GFPT1: variants seen among roughly 807,000 people sequenced by gnomAD.
GFPT1 encodes glutamine--fructose-6-phosphate aminotransferase [isomerizing] 1.
A neutral mutation model predicts 92.0 loss-of-function variants in GFPT1; 40 were observed. The ratio of observed to expected loss-of-function variants is 0.43; its 90% CI spans 0.34 to 0.57. GFPT1 has a LOEUF of 0.57. Ranked by LOEUF, GFPT1 falls within the 20% of genes least tolerant of loss-of-function variation. GFPT1 has a pLI of 0.02. For missense variants in GFPT1, 448 were observed against 869.1 expected (o/e 0.52, Z 6.09); for synonymous variants, 269 against 280.6 (o/e 0.96, Z 0.41).
At chr2:69,328,223 A>G (rs778624549) in intron 18 of GFPT1, 48 bp downstream of exon 18, 3 of 1,419,350 alleles carry the variant, frequency 2.1e-6, no homozygotes, top group Non-Finnish European at 3.0e-6. Flanking sequence ...AAGCTAGCGT[A>G]ACTCCCCTCT....
chr2:69,356,345 G>C (rs1671337339), intron 7 of GFPT1, 151 bp downstream of exon 7: 1 of 708,662 alleles, frequency 1.4e-6, no homozygotes, highest in Non-Finnish European at 2.6e-6. Flanking sequence ...GTAAGCAACA[G>C]ACAAGAAGGA....
chr2:69,356,406 T>C (rs1344700657), intron 7 of GFPT1, 90 bp downstream of exon 7: 4 of 910,926 alleles, frequency 4.4e-6, no homozygotes, highest in Non-Finnish European at 7.4e-6. Context: ...GCAGAGCCTT[T>C]ATAATAAAGG....
rs929710560 is a variant in GFPT1 at position 69,387,213 on chromosome 2, G to A, written c.-142C>T. 2.2e-6 allele frequency: 2 copies of A among 892,406 alleles called. No homozygotes were observed. The highest frequency in any genetic ancestry group is 6.5e-5 in the Admixed American group (2 of 30,834). The allele number at this position is 892,406 out of a possible 1,614,324, so 55.3% of individuals were successfully genotyped here. A position where few individuals can be genotyped will look rare whatever the true frequency, so the allele number is the denominator to read the frequency against. ...CTCCCTCGGGGATGCGACGGCCAAG[G>A]CAACGACAGCCTTCTCCGCCTCCCG... On this transcript the variant is annotated 5_prime_UTR_variant, in exon 1 of 20. Coordinates refer to ENST00000357308, the MANE Select transcript of GFPT1 (RefSeq NM_001244710.2).
Position 69,321,765 on chromosome 2 carries a change from T to C in GFPT1, c.*4424A>G, listed in dbSNP as rs1670407795. The C allele has an allele frequency of 6.6e-6, 1 of 152,240 alleles. No individual in the cohort carries two copies. The highest frequency in any genetic ancestry group is 2.1e-4 in the South Asian group (1 of 4,838). The allele number at this position is 152,240 out of a possible 1,614,324, so 9.4% of individuals were successfully genotyped here. A position where few individuals can be genotyped will look rare whatever the true frequency, so the allele number is the denominator to read the frequency against. On this transcript the variant is annotated 3_prime_UTR_variant, in exon 20 of 20. Coordinates refer to ENST00000357308, the MANE Select transcript of GFPT1 (RefSeq NM_001244710.2). ...AACATTCAGAAAGCTAACAGGATCA[T>C]TTCTACATTCATTCTGCAAACAGTG...
At chr2:69,359,133 C>T (rs1290808157) in intron 5 of GFPT1, 135 bp downstream of exon 5, 4 of 679,740 alleles carry the variant, frequency 5.9e-6, no homozygotes, top group Non-Finnish European at 1.1e-5. Context: ...AATAAACCAC[C>T]GTGCCCTTGG....
chr2:69,354,433 C>T, intron 8 of GFPT1, 56 bp downstream of exon 8: 1 of 1,319,032 alleles, frequency 7.6e-7, no homozygotes, highest in South Asian at 1.2e-5. Flanking sequence ...TCTATTCCAA[C>T]TTAAGGAAAA....
chr2:69,329,850 T>C lies in GFPT1; in HGVS notation c.1483-52A>G, dbSNP rs200249284. 1,127 of 909,486 alleles carry C rather than the reference T, an allele frequency of 1.2e-3. 3 individuals are homozygous for C. Among genetic ancestry groups the C allele is most frequent in the Non-Finnish European group, 1.7e-3 (914 of 536,318 alleles). The allele number at this position is 909,486 out of a possible 1,614,324, so 56.3% of individuals were successfully genotyped here. A position where few individuals can be genotyped will look rare whatever the true frequency, so the allele number is the denominator to read the frequency against. On this transcript the variant is annotated intron_variant, in intron 15 of 19. Coordinates refer to ENST00000357308, the MANE Select transcript of GFPT1 (RefSeq NM_001244710.2). ...ATTAGTTGCAGCTGCATCTGAAGAA[T>C]TTAGAACTTTTAATTTTAAAAAGCT...
chr2:69,364,030 G>A (rs567364013), intron 3 of GFPT1, among the ~76,000 whole-genome samples: 10 of 151,272 alleles, frequency 6.6e-5, no homozygotes, highest in African/African-American at 1.9e-4. Flanking sequence ...CAGGATATTC[G>A]CCTGAACCCA....
rs1163844230 is a variant in GFPT1 at position 69,321,869 on chromosome 2, G to A, written c.*4320C>T. On this transcript the variant is annotated 3_prime_UTR_variant, in exon 20 of 20. Transcript: ENST00000357308. Reference sequence around the variant, plus strand: ...TATGGTAATTACATAACATTTTGATGTCAAGTTATTACAGACTTAAAAGTT... The same window carrying A: ...TATGGTAATTACATAACATTTTGATATCAAGTTATTACAGACTTAAAAGTT... The A allele has an allele frequency of 6.6e-6, 1 of 152,158 alleles. No homozygotes were observed. Among genetic ancestry groups the A allele is most frequent in the Non-Finnish European group, 1.5e-5 (1 of 68,004 alleles). The allele number at this position is 152,158 out of a possible 1,614,324, so 9.4% of individuals were successfully genotyped here. A position where few individuals can be genotyped will look rare whatever the true frequency, so the allele number is the denominator to read the frequency against.
At chr2:69,350,785 C>T (rs1671186780) in intron 9 of GFPT1, among the ~76,000 whole-genome samples, 2 of 151,880 alleles carry the variant, frequency 1.3e-5, no homozygotes, top group Admixed American at 6.6e-5. Context: ...CGCCTATAAT[C>T]CCAGCTACTT....
rs183287922 is a variant in GFPT1 at position 69,377,568 on chromosome 2, G to A, written c.8-3455C>T. The stretch of plus-strand genomic sequence containing the variant: ...TCAGCTACTCGGGAGGCTGAGGCAC[G>A]AGAATAGCTTGAACCTGGGAGGCAG... On this transcript the variant is annotated intron_variant, in intron 1 of 19. Transcript: ENST00000357308. 6.0e-4 allele frequency among the ~76,000 whole-genome samples: 91 copies of A among 151,780 alleles called. 1 individual carries two copies. The East Asian group carries it at 0.015, about 25-fold the overall frequency.
chr2:69,350,442 A>G (rs1440827110), intron 9 of GFPT1, among the ~76,000 whole-genome samples: 2 of 152,172 alleles, frequency 1.3e-5, no homozygotes, highest in Admixed American at 6.5e-5. Flanking sequence ...TTAATATAAT[A>G]TTTATTTTCC....
intron 1 of GFPT1, among the ~76,000 whole-genome samples, chr2:69,376,807 G>GAT (rs1420944950): frequency 1.3e-5 from 2 of 152,200 alleles, no homozygotes; most frequent in Non-Finnish European, 2.9e-5. Context: ...ATGTAAGCCG[G>GAT]ATGGTAAATG....
At chr2:69,340,505 A>AGCATG (rs1178425159) in intron 13 of GFPT1, among the ~76,000 whole-genome samples, 1 of 152,200 alleles carries the variant, frequency 6.6e-6, no homozygotes, top group Non-Finnish European at 1.5e-5. Flanking sequence ...TGGAACGTTA[A>AGCATG]GCATGTGGGA....
In GFPT1 at chr2:69,327,084, G is replaced by A. The variant is rs765467067; in HGVS notation, c.1894-9C>T. On this transcript the variant is annotated splice_polypyrimidine_tract_variant and intron_variant, in intron 18 of 19. Transcript: ENST00000357308. ...ATTACCACAGGCCGCCCCTAGGAAA[G>A]AAAATCACACACATACACAACATCA... 16 of 1,613,496 alleles carry A rather than the reference G, an allele frequency of 9.9e-6. No homozygotes were observed. In the African/African-American group the frequency reaches 2.1e-4, roughly 22 times the overall value.
At chr2:69,347,322 A>G (rs760546280) in intron 11 of GFPT1, among the ~76,000 whole-genome samples, 2 of 151,914 alleles carry the variant, frequency 1.3e-5, no homozygotes, top group Non-Finnish European at 2.9e-5. Context: ...AAGTGTTGAG[A>G]TTACAGGCAT....
chr2:69,359,153 A>T, intron 5 of GFPT1, 115 bp downstream of exon 5: 1 of 730,700 alleles, frequency 1.4e-6, no homozygotes, highest in South Asian at 1.5e-5. Context: ...GAATTGTCCA[A>T]GAAATTAATT....
In GFPT1 at chr2:69,381,209, C is replaced by A. The variant is rs1671999859; in HGVS notation, c.7+5856G>T. 3.9e-5 allele frequency among the ~76,000 whole-genome samples: 6 copies of A among 152,352 alleles called. No individual in the cohort carries two copies. The South Asian group carries it at 1.2e-3, about 32-fold the overall frequency. ...CGCTGGCCAGGCTGGTCTCGAACTCCTGACCTCAGGTGATCTGCCCGCCTC... is the reference window on the plus strand; with the variant it reads ...CGCTGGCCAGGCTGGTCTCGAACTCATGACCTCAGGTGATCTGCCCGCCTC... On this transcript the variant is annotated intron_variant, in intron 1 of 19. Coordinates refer to ENST00000357308, the MANE Select transcript of GFPT1 (RefSeq NM_001244710.2).
In GFPT1 at chr2:69,368,556, C is replaced by T. The variant is rs146982725; in HGVS notation, c.223+1445G>A. Among the ~76,000 whole-genome samples the T allele has an allele frequency of 6.1e-3, 933 of 152,160 alleles. 11 individuals carry two copies. The highest frequency in any genetic ancestry group is 0.022 in the African/African-American group (894 of 41,508). ...CAGCCTGGCCAATATGGTGAAACCC[C>T]ATCTCTACCAAAAATACAAAAATTA... On this transcript the variant is annotated intron_variant, in intron 3 of 19. Coordinates refer to ENST00000357308, the MANE Select transcript of GFPT1 (RefSeq NM_001244710.2).
Sources: gnomAD v4.1 joint callset for allele counts (sites outside exome capture counted in the v4.1 genomes callset) on GRCh38, gnomAD v4.1.1 for gene constraint, MANE v1.5 for transcripts, NCBI Gene and HGNC (gene_info 2026-07-23, HGNC 2026-07-21) for gene names.